The following IFT88 variants were observed in gnomAD, a reference collection of about 807,000 sequenced individuals.
The protein encoded by IFT88 is intraflagellar transport 88.
Under a neutral mutation model 119.5 loss-of-function variants are expected in IFT88, and 74 were observed. That is an observed-to-expected ratio of 0.62 (90% CI 0.51 to 0.75). The LOEUF (loss-of-function observed/expected upper bound fraction) is 0.75, where lower values mean the gene tolerates loss of function less well. Ranked by LOEUF, IFT88 falls within the 30% of genes least tolerant of loss-of-function variation. The probability of loss-of-function intolerance (pLI) is 0.00; values close to 1 mark genes in which losing one functional copy is unlikely to be tolerated. For missense variants in IFT88, 961 were observed against 977.7 expected (o/e 0.98, Z 0.23); for synonymous variants, 279 against 316.7 (o/e 0.88, Z 1.26).
intron 24 of IFT88, among the ~76,000 whole-genome samples, chr13:20,672,987 T>C (rs1280198548): frequency 6.6e-6 from 1 of 152,332 alleles, no homozygotes; most frequent in East Asian, 1.9e-4. Context: ...ACCAGCACAG[T>C]GCTGCTTGTT....
At chr13:20,685,569 C>T (rs942288071) in intron 24 of IFT88, among the ~76,000 whole-genome samples, 1 of 152,124 alleles carries the variant, frequency 6.6e-6, no homozygotes, top group Non-Finnish European at 1.5e-5. Context: ...TTCATCAAGC[C>T]CTTTAAAATG....
chr13:20,580,255 C>T (rs540288960), intron 2 of IFT88, among the ~76,000 whole-genome samples: 6 of 152,276 alleles, frequency 3.9e-5, no homozygotes, highest in Admixed American at 3.9e-4. Flanking sequence ...CGGGGACTCA[C>T]ACCTATAATC....
chr13:20,632,005 A>G (rs2048274913), intron 16 of IFT88: 1 of 152,026 alleles, frequency 6.6e-6, no homozygotes, highest in African/African-American at 2.4e-5. Flanking sequence ...TTAGCTGGGC[A>G]TGATGGTGCA....
intron 1 of IFT88, among the ~76,000 whole-genome samples, chr13:20,571,343 C>T (rs991283862): frequency 5.3e-5 from 8 of 152,066 alleles, no homozygotes; most frequent in Non-Finnish European, 1.2e-4. Context: ...AATGTACAGG[C>T]CTTAAGAAAA....
Position 20,596,231 on chromosome 13 carries a change from C to A in IFT88, c.480C>A (p.Asp160Glu). The stretch of plus-strand genomic sequence containing the variant: ...GCTGTATTGCCAATAGTTGTGGAGA[C>A]TTAAAATTGGTAAGTTCATAAACAA... ...EESCIANSCGDLKLALEKAKD... is the reference protein window; with the variant it reads ...EESCIANSCGELKLALEKAKD... Residue 160 changes from aspartate to glutamate, a missense_variant, in exon 8 of 26, where the codon GAC (aspartate) becomes GAA (glutamate). Transcript: ENST00000351808. 1 of 1,486,180 alleles carries A rather than the reference C, an allele frequency of 6.7e-7. No individual in the cohort carries two copies. Among genetic ancestry groups the A allele is most frequent in the South Asian group, 1.2e-5 (1 of 80,206 alleles). The allele number at this position is 1,486,180 out of a possible 1,614,324, so 92.1% of individuals were successfully genotyped here. A position where few individuals can be genotyped will look rare whatever the true frequency, so the allele number is the denominator to read the frequency against.
chr13:20,609,406 G>A (rs553165676), intron 13 of IFT88, among the ~76,000 whole-genome samples: 3 of 152,200 alleles, frequency 2.0e-5, no homozygotes, highest in Non-Finnish European at 4.4e-5. Flanking sequence ...TGGGTAAGGA[G>A]AGGAGGAGCG....
chr13:20,626,179 G>A (rs1380207733), intron 15 of IFT88, among the ~76,000 whole-genome samples: 1 of 146,268 alleles, frequency 6.8e-6, no homozygotes, highest in Non-Finnish European at 1.5e-5. Context: ...TTCTGCCTCA[G>A]CCTCCCGAGT....
At chr13:20,668,382 T>C (rs890779490) in intron 23 of IFT88, among the ~76,000 whole-genome samples, 2 of 152,048 alleles carry the variant, frequency 1.3e-5, no homozygotes, top group African/African-American at 4.8e-5. Flanking sequence ...TTTTCTTACA[T>C]AATAGGCACA....
At chr13:20,670,443 C>T (rs576372033) in intron 23 of IFT88, among the ~76,000 whole-genome samples, 80 of 150,902 alleles carry the variant, frequency 5.3e-4, no homozygotes, top group African/African-American at 1.8e-3. Flanking sequence ...AGAAAGTAGA[C>T]TGTTGGACAG....
chr13:20,572,011 T>C (rs935477879), intron 1 of IFT88, among the ~76,000 whole-genome samples: 1 of 146,154 alleles, frequency 6.8e-6, no homozygotes, highest in African/African-American at 2.5e-5. Flanking sequence ...CAGCTTTCAC[T>C]CTTCTGTTTC....
intron 20 of IFT88, among the ~76,000 whole-genome samples, chr13:20,652,541 G>A (rs1011733723): frequency 2.6e-5 from 4 of 151,966 alleles, no homozygotes; most frequent in African/African-American, 7.3e-5. Context: ...GGCTGAGCCC[G>A]GGAAGGGGAG....
intron 14 of IFT88, among the ~76,000 whole-genome samples, chr13:20,616,935 GTTT>G (rs200313608): frequency 6.6e-6 from 1 of 150,746 alleles, no homozygotes; most frequent in Non-Finnish European, 1.5e-5. Context: ...CTTTTTTTTG[GTTT>G]TTTTTTGTTG....
At chr13:20,640,732 G>A (rs1331374816) in intron 17 of IFT88, among the ~76,000 whole-genome samples, 7 of 152,022 alleles carry the variant, frequency 4.6e-5, no homozygotes, top group Non-Finnish European at 8.8e-5. Context: ...TGTTTATTCT[G>A]TTCTATTGGT....
intron 13 of IFT88, among the ~76,000 whole-genome samples, chr13:20,608,891 C>G (rs1000374266): frequency 2.0e-5 from 3 of 152,216 alleles, no homozygotes; most frequent in African/African-American, 4.8e-5. Flanking sequence ...TGCTCTCTCT[C>G]TCTCCTCTGC....
chr13:20,688,453 T>A (rs2058173884), intron 24 of IFT88, among the ~76,000 whole-genome samples: 1 of 152,202 alleles, frequency 6.6e-6, no homozygotes, highest in Admixed American at 6.5e-5. Context: ...AAGCCTTCAC[T>A]CACATAGTTT....
chr13:20,649,652 A>G (rs956804799), intron 20 of IFT88, among the ~76,000 whole-genome samples: 2 of 152,126 alleles, frequency 1.3e-5, no homozygotes, highest in African/African-American at 4.8e-5. Flanking sequence ...AGGTTAGAGC[A>G]GAGATAAATA....
chr13:20,648,383 G>A (rs998568688), intron 20 of IFT88, among the ~76,000 whole-genome samples: 1 of 152,138 alleles, frequency 6.6e-6, no homozygotes, highest in African/African-American at 2.4e-5. Context: ...GTGACAGAGC[G>A]AGACTCCATC....
intron 17 of IFT88, among the ~76,000 whole-genome samples, chr13:20,640,974 C>G (rs1005514371): frequency 6.6e-6 from 1 of 152,084 alleles, no homozygotes; most frequent in African/African-American, 2.4e-5. Context: ...GGCAAAATCC[C>G]GTCTCTACTA....
intron 24 of IFT88, among the ~76,000 whole-genome samples, chr13:20,687,857 T>TACGCAA (rs59716034): frequency 2.0e-5 from 3 of 152,020 alleles, no homozygotes; most frequent in Non-Finnish European, 2.9e-5. Context: ...TTAAATCCAA[T>TACGCAA]GTGCAGGAGC....
Sources: gnomAD v4.1 joint callset for allele counts (sites outside exome capture counted in the v4.1 genomes callset) on GRCh38, gnomAD v4.1.1 for gene constraint, MANE v1.5 for transcripts, NCBI Gene and HGNC (gene_info 2026-07-23, HGNC 2026-07-21) for gene names.